MSH3: variants seen among roughly 807,000 people sequenced by gnomAD.
The protein encoded by MSH3 is DNA mismatch repair protein Msh3.
A neutral mutation model predicts 123.3 loss-of-function variants in MSH3; 106 were observed. The ratio of observed to expected loss-of-function variants is 0.86; its 90% CI spans 0.73 to 1.01. The LOEUF (loss-of-function observed/expected upper bound fraction) is 1.01. MSH3 is among the 50% of genes least tolerant of loss of function. The pLI, the probability that MSH3 is intolerant of heterozygous loss-of-function variation, is 0.00. For missense variants in MSH3, 1,459 were observed against 1,347.6 expected, an observed-to-expected ratio of 1.08 and a Z score of -1.29; for synonymous variants, 515 against 481.4, an observed-to-expected ratio of 1.07 and a Z score of -0.91.
intron 8 of MSH3, among the ~76,000 whole-genome samples, chr5:80,715,675 A>G (rs1750945047): frequency 6.6e-6 from 1 of 152,154 alleles, no homozygotes; most frequent in African/African-American, 2.4e-5. Context: ...AGGCCTCAGG[A>G]AACTTACAGT....
intron 13 of MSH3, among the ~76,000 whole-genome samples, chr5:80,763,739 T>C (rs1372151468): frequency 6.6e-6 from 1 of 152,244 alleles, no homozygotes; most frequent in African/African-American, 2.4e-5. Context: ...GGGCTGTGAT[T>C]TCTATTCCAC....
intron 6 of MSH3, 67 bp downstream of exon 6, chr5:80,672,925 T>C: frequency 7.9e-7 from 1 of 1,258,080 alleles, no homozygotes; most frequent in Admixed American, 1.7e-5. Flanking sequence ...GTTTTGTTTG[T>C]TTGTTTGTTT....
chr5:80,806,981 T>C (rs751085993), intron 19 of MSH3, among the ~76,000 whole-genome samples: 10 of 151,844 alleles, frequency 6.6e-5, no homozygotes, highest in Non-Finnish European at 8.8e-5. Context: ...AGTGAGAGGA[T>C]CACTTGAGCC....
At chr5:80,676,061 A>C (rs1344183153) in intron 7 of MSH3, among the ~76,000 whole-genome samples, 1 of 152,052 alleles carries the variant, frequency 6.6e-6, no homozygotes, top group Admixed American at 6.5e-5. Flanking sequence ...ACGGAGTTTC[A>C]CCCTTGTCAC....
intron 8 of MSH3, among the ~76,000 whole-genome samples, chr5:80,698,831 T>G (rs972584794): frequency 6.6e-6 from 1 of 151,850 alleles, no homozygotes; most frequent in Non-Finnish European, 1.5e-5. Context: ...CGGATAGCAT[T>G]AGGAGATATA....
chr5:80,839,999 C>G (rs1745586739), intron 20 of MSH3, among the ~76,000 whole-genome samples: 1 of 152,148 alleles, frequency 6.6e-6, no homozygotes, highest in African/African-American at 2.4e-5. Flanking sequence ...GATTTATTAG[C>G]TTTAGACAGT....
chr5:80,817,526 A>T (rs1338492103), intron 20 of MSH3, among the ~76,000 whole-genome samples: 1 of 152,200 alleles, frequency 6.6e-6, no homozygotes, highest in Non-Finnish European at 1.5e-5. Context: ...TGGGATATCC[A>T]GTGGGATATG....
intron 3 of MSH3, among the ~76,000 whole-genome samples, chr5:80,668,166 G>T (rs1464710812): frequency 2.6e-5 from 4 of 152,288 alleles, no homozygotes; most frequent in African/African-American, 7.2e-5. Flanking sequence ...CAGGCAGGTT[G>T]TCTGCTTGTC....
chr5:80,692,478 AGATAAACATGTATATGTT>A (rs1750311636), intron 8 of MSH3, among the ~76,000 whole-genome samples: 3 of 72,270 alleles, frequency 4.2e-5, no homozygotes, highest in African/African-American at 7.3e-5. Context: ...ATGTTTAGAT[AGATAAACATGTATATGTT>A]TAGATAGATA....
At chr5:80,675,187 T>C (rs2112816209) in intron 7 of MSH3, 59 bp downstream of exon 7, 1 of 1,543,440 alleles carries the variant, frequency 6.5e-7, no homozygotes, top group Non-Finnish European at 9.0e-7. Context: ...CTAAATATGA[T>C]CTATCATGTA....
chr5:80,864,770 A>C (rs1306501953), intron 21 of MSH3, 43 bp from the exon 22 acceptor site: 1 of 1,513,592 alleles, frequency 6.6e-7, no homozygotes, highest in South Asian at 1.2e-5. Flanking sequence ...ATTACAATAA[A>C]ATTTAAAAAT....
chr5:80,709,356 C>A (rs899255374), intron 8 of MSH3, among the ~76,000 whole-genome samples: 1 of 152,126 alleles, frequency 6.6e-6, no homozygotes, highest in Non-Finnish European at 1.5e-5. Context: ...GCGGTGGTGG[C>A]TTACGCCTGT....
chr5:80,781,732 C>G (rs1047034413), intron 17 of MSH3, among the ~76,000 whole-genome samples: 3 of 152,036 alleles, frequency 2.0e-5, no homozygotes, highest in Admixed American at 6.6e-5. Flanking sequence ...TTCTGATTGT[C>G]TTTTTCCCCC....
intron 2 of MSH3, among the ~76,000 whole-genome samples, chr5:80,663,896 C>T (rs1749504583): frequency 6.6e-6 from 1 of 152,066 alleles, no homozygotes; most frequent in Admixed American, 6.5e-5. Flanking sequence ...TAGAAATGAA[C>T]AAAACACAAC....
intron 19 of MSH3, among the ~76,000 whole-genome samples, chr5:80,793,262 G>C (rs1744640393): frequency 6.6e-6 from 1 of 152,162 alleles, no homozygotes; most frequent in African/African-American, 2.4e-5. Context: ...TTTCATTATA[G>C]GGGCTGGATT....
chr5:80,722,425 A>G (rs32950), intron 8 of MSH3, among the ~76,000 whole-genome samples: 71,918 of 152,064 alleles, frequency 0.47, 17,208 homozygotes, highest in East Asian at 0.63. Flanking sequence ...ACCTACATCA[A>G]TATACATAAG....
At chr5:80,801,351 A>T (rs1744786748) in intron 19 of MSH3, among the ~76,000 whole-genome samples, 1 of 151,704 alleles carries the variant, frequency 6.6e-6, no homozygotes, top group African/African-American at 2.4e-5. Flanking sequence ...TACCTAGAGG[A>T]CCTCCTGATT....
chr5:80,865,766 C>T (rs908147389), intron 22 of MSH3, among the ~76,000 whole-genome samples: 1 of 151,992 alleles, frequency 6.6e-6, no homozygotes, highest in Non-Finnish European at 1.5e-5. Flanking sequence ...ATGCAAGATA[C>T]CCCAGAGTCC....
intron 8 of MSH3, among the ~76,000 whole-genome samples, chr5:80,717,525 A>G (rs6151710): frequency 2.1e-3 from 320 of 152,232 alleles, no homozygotes; most frequent in African/African-American, 7.3e-3. Context: ...AGTTGGGTCT[A>G]TAGGTGTGAG....
Sources: allele counts gnomAD v4.1 joint callset (sites outside exome capture counted in the v4.1 genomes callset), GRCh38; gene constraint gnomAD v4.1.1; transcripts MANE v1.5; gene names NCBI Gene and HGNC (gene_info 2026-07-23, HGNC 2026-07-21).